Variants in STXBP5L observed in about 807,000 individuals in gnomAD.
STXBP5L encodes syntaxin binding protein 5L, also known as syntaxin-binding protein 5-like.
In STXBP5L, 65 loss-of-function variants were observed where a neutral mutation model predicts 144.5. The ratio of observed to expected loss-of-function variants is 0.45; its 90% CI spans 0.37 to 0.55. The LOEUF (loss-of-function observed/expected upper bound fraction) is 0.55. Among genes scored for constraint, STXBP5L ranks in the 20% least tolerant of loss-of-function variants. The pLI, the probability that STXBP5L is intolerant of heterozygous loss-of-function variation, is 0.00. For missense variants in STXBP5L, 1,298 were observed against 1,405.5 expected (o/e 0.92, Z 1.22); for synonymous variants, 505 against 469.6 (o/e 1.08, Z -0.97).
intron 5 of STXBP5L, among the ~76,000 whole-genome samples, chr3:121,089,412 C>T (rs1216453984): frequency 6.6e-6 from 1 of 151,454 alleles, no homozygotes; most frequent in East Asian, 1.9e-4. Flanking sequence ...ATTTTATACA[C>T]CTGAATAGCA....
At chr3:121,206,060 AC>A in intron 10 of STXBP5L, 59 bp downstream of exon 10, 1 of 985,906 alleles carries the variant, frequency 1.0e-6, no homozygotes, top group Non-Finnish European at 1.5e-6. Context: ...AATGCAGATG[AC>A]CTTTAATGTT....
chr3:120,988,051 T>C (rs1942473537), intron 3 of STXBP5L, among the ~76,000 whole-genome samples: 1 of 151,746 alleles, frequency 6.6e-6, no homozygotes, highest in African/African-American at 2.4e-5. Flanking sequence ...TCTTACCTGA[T>C]GGTTTTTCAG....
At chr3:121,087,536 T>C (rs2107715561) in intron 5 of STXBP5L, among the ~76,000 whole-genome samples, 1 of 152,178 alleles carries the variant, frequency 6.6e-6, no homozygotes, top group African/African-American at 2.4e-5. Flanking sequence ...CTTTGTCTAT[T>C]CTTATACTTT....
intron 20 of STXBP5L, among the ~76,000 whole-genome samples, chr3:121,348,966 G>A (rs1486097303): frequency 6.6e-6 from 1 of 151,964 alleles, no homozygotes; most frequent in Non-Finnish European, 1.5e-5. Flanking sequence ...CTTCAGTTCT[G>A]CTCTGATGTT....
At chr3:121,017,902 A>G (rs1474363727) in intron 3 of STXBP5L, among the ~76,000 whole-genome samples, 2 of 151,878 alleles carry the variant, frequency 1.3e-5, no homozygotes, top group African/African-American at 2.4e-5. Flanking sequence ...ATGTTGTGAG[A>G]CCCCAGTTTC....
chr3:121,191,474 G>A (rs1319727583), intron 9 of STXBP5L, among the ~76,000 whole-genome samples: 1 of 152,206 alleles, frequency 6.6e-6, no homozygotes, highest in African/African-American at 2.4e-5. Flanking sequence ...TTTGCAGTGA[G>A]TCGAGATAGC....
At chr3:120,961,248 G>A (rs1423581616) in intron 3 of STXBP5L, among the ~76,000 whole-genome samples, 1 of 148,266 alleles carries the variant, frequency 6.7e-6, no homozygotes, top group Non-Finnish European at 1.5e-5. Flanking sequence ...GTCAATTAGA[G>A]GCTATACTTT....
chr3:121,194,909 CT>C (rs10717806), intron 9 of STXBP5L, among the ~76,000 whole-genome samples: 7,805 of 68,692 alleles, frequency 0.11, 51 homozygotes, highest in Non-Finnish European at 0.12. Context: ...TCTTTTCACT[CT>C]TTTTTTTTTT....
At chr3:121,395,440 A>G (rs1407505741) in intron 22 of STXBP5L, among the ~76,000 whole-genome samples, 1 of 152,242 alleles carries the variant, frequency 6.6e-6, no homozygotes, top group Non-Finnish European at 1.5e-5. Flanking sequence ...AGTATGATAC[A>G]TATGTTAAAT....
intron 9 of STXBP5L, among the ~76,000 whole-genome samples, chr3:121,165,143 A>G (rs939993904): frequency 2.6e-5 from 4 of 152,210 alleles, no homozygotes; most frequent in Non-Finnish European, 4.4e-5. Flanking sequence ...TATACCTTAA[A>G]TATATACGAT....
intron 22 of STXBP5L, among the ~76,000 whole-genome samples, chr3:121,392,874 G>A (rs2046629981): frequency 6.7e-6 from 1 of 148,892 alleles, no homozygotes; most frequent in South Asian, 2.1e-4. Context: ...GCTATTGTAA[G>A]TAGTGCTGCA....
chr3:121,337,918 T>C (rs1451885468), intron 20 of STXBP5L, among the ~76,000 whole-genome samples: 3 of 152,062 alleles, frequency 2.0e-5, no homozygotes, highest in Admixed American at 6.6e-5. Flanking sequence ...CTCAAAACTA[T>C]ACAAATGCTT....
At chr3:120,994,379 A>G (rs919751947) in intron 3 of STXBP5L, among the ~76,000 whole-genome samples, 4 of 152,074 alleles carry the variant, frequency 2.6e-5, no homozygotes, top group African/African-American at 9.7e-5. Context: ...TCTTAGAAAA[A>G]AGGCTGTCAG....
intron 20 of STXBP5L, among the ~76,000 whole-genome samples, chr3:121,352,740 G>T (rs962188629): frequency 4.4e-4 from 67 of 152,138 alleles, no homozygotes; most frequent in African/African-American, 1.3e-3. Context: ...TGGTGAGAGA[G>T]GGTATCCTTG....
rs184225738 is a variant in STXBP5L, at chr3:120,927,865, A to G, written c.189+18098A>G. Among the ~76,000 whole-genome samples, 24 of 152,298 alleles carry G rather than the reference A, an allele frequency of 1.6e-4. No individual in the cohort carries two copies. In the East Asian group the frequency reaches 4.4e-3, roughly 28 times the overall value. The stretch of plus-strand genomic sequence containing the variant: ...CCCTAATACAACAATTTCTGTCTTC[A>G]TACAAAGCAAGATTATATATTTAGT... On this transcript the variant is annotated intron_variant, in intron 2 of 26. Coordinates refer to ENST00000471454, the MANE Select transcript of STXBP5L (RefSeq NM_001308330.2).
intron 9 of STXBP5L, among the ~76,000 whole-genome samples, chr3:121,186,541 A>G (rs2047388937): frequency 6.6e-6 from 1 of 152,170 alleles, no homozygotes; most frequent in Admixed American, 6.5e-5. Context: ...TCCTGCATCT[A>G]TTGAGATAAT....
chr3:121,057,078 A>C lies in STXBP5L; in HGVS notation c.470+11543A>C, dbSNP rs9815525. 7.3e-3 allele frequency among the ~76,000 whole-genome samples: 1,112 copies of C among 151,850 alleles called. 7 individuals are homozygous for C. Among genetic ancestry groups the C allele is most frequent in the African/African-American group, 0.024 (988 of 41,526 alleles). ...TTATAAAGAAGGAAGAAAGCAAGACAGAAAACTGCATAACATGCTACATAA... is the reference window on the plus strand; with the variant it reads ...TTATAAAGAAGGAAGAAAGCAAGACCGAAAACTGCATAACATGCTACATAA... On this transcript the variant is annotated intron_variant, in intron 5 of 26. Coordinates refer to ENST00000471454, the MANE Select transcript of STXBP5L (RefSeq NM_001308330.2).
rs148971340 is a variant in STXBP5L, at chr3:121,134,283, C to T, written c.669+12579C>T. ...TTCTTCTCTTATACAGCCACTAGTT[C>T]TCCTCCTATGATGCTTCATTAATTC... On this transcript the variant is annotated intron_variant, in intron 7 of 26. Transcript: ENST00000471454. Among the ~76,000 whole-genome samples the T allele has an allele frequency of 1.4e-3, 209 of 152,216 alleles. 1 individual carries two copies. The highest frequency in any genetic ancestry group is 4.8e-3 in the African/African-American group (201 of 41,554).
intron 19 of STXBP5L, among the ~76,000 whole-genome samples, chr3:121,313,667 C>T (rs1482276708): frequency 1.7e-4 from 12 of 69,634 alleles, no homozygotes; most frequent in East Asian, 1.4e-3. Flanking sequence ...CTCCTCACTT[C>T]CCAGTAGGGG....
Sources: gnomAD v4.1 joint callset for allele counts (sites outside exome capture counted in the v4.1 genomes callset) on GRCh38, gnomAD v4.1.1 for gene constraint, MANE v1.5 for transcripts, NCBI Gene and HGNC (gene_info 2026-07-23, HGNC 2026-07-21) for gene names.